The following VWA5B1 variants were observed in gnomAD, a reference collection of about 807,000 sequenced individuals.
The protein encoded by VWA5B1 is von Willebrand factor A domain containing 5B1.
A neutral mutation model predicts 118.2 loss-of-function variants in VWA5B1; 115 were observed. The observed-to-expected ratio is 0.97, with a 90% CI of 0.84 to 1.14. The LOEUF is 1.14. VWA5B1 is among the 50% of genes most tolerant of loss of function. The probability of loss-of-function intolerance (pLI) is 0.00; values close to 1 mark genes in which losing one functional copy is unlikely to be tolerated. For synonymous variants in VWA5B1, 682 were observed against 658.4 expected (o/e 1.04, Z -0.55); for missense variants, 1,596 against 1,603.8 (o/e 1.00, Z 0.08).
chr1:20,327,739 G>A (rs914901784), intron 8 of VWA5B1, 151 bp from the exon 9 acceptor site: 2 of 679,736 alleles, frequency 2.9e-6, no homozygotes, highest in Non-Finnish European at 5.1e-6. Flanking sequence ...ATTTCTTGAT[G>A]TGAGGGAAAA....
In VWA5B1 at chr1:20,335,181, G is replaced by A. The variant is rs896395338; in HGVS notation, c.1759-1122G>A. 3.9e-5 allele frequency among the ~76,000 whole-genome samples: 6 copies of A among 152,210 alleles called. No homozygotes were observed. In the East Asian group the frequency reaches 9.7e-4, roughly 25 times the overall value. ...AATTAAAAAATTAGCCAGACGTGGTGGCATATGCTTGTAGTCCCAACTACT... is the reference window on the plus strand; with the variant it reads ...AATTAAAAAATTAGCCAGACGTGGTAGCATATGCTTGTAGTCCCAACTACT... On this transcript the variant is annotated intron_variant, in intron 12 of 21. Transcript: ENST00000289815.
chr1:20,291,371 C>T (rs1346406836), intron 1 of VWA5B1, among the ~76,000 whole-genome samples: 8 of 139,744 alleles, frequency 5.7e-5, no homozygotes, highest in South Asian at 2.4e-4. Context: ...CTCTCTCTCT[C>T]TCTCTCTCTC....
intron 7 of VWA5B1, among the ~76,000 whole-genome samples, chr1:20,322,681 A>C (rs1438128699): frequency 6.6e-6 from 1 of 152,222 alleles, no homozygotes; most frequent in Non-Finnish European, 1.5e-5. Context: ...CAGCACCAGC[A>C]ATGGCAATGA....
chr1:20,330,415 C>A lies in VWA5B1; in HGVS notation c.1457+33C>A, dbSNP rs772719116. ...TTGGCTGAGGGTCTAGGCTCGGTGA[C>A]TCCAGGCTGCCGGGGCTGGGGCGCC... On this transcript the variant is annotated intron_variant, in intron 10 of 21. Transcript: ENST00000289815. 2.8e-5 allele frequency: 43 copies of A among 1,548,408 alleles called. No individual in the cohort carries two copies. The African/African-American group carries it at 5.2e-4, about 19-fold the overall frequency.
chr1:20,351,060 C>G, intron 20 of VWA5B1, 134 bp downstream of exon 20: 1 of 800,748 alleles, frequency 1.2e-6, no homozygotes, highest in Non-Finnish European at 2.0e-6. Context: ...AAAGAAGGCA[C>G]TCCTGCCCAG....
chr1:20,356,850 A>G lies in VWA5B1; in HGVS notation c.*2587A>G, dbSNP rs1201882529. Among the ~76,000 whole-genome samples, 1 of 152,230 alleles carries G rather than the reference A, an allele frequency of 6.6e-6. No individual in the cohort carries two copies. Among genetic ancestry groups the G allele is most frequent in the Non-Finnish European group, 1.5e-5 (1 of 68,042 alleles). On this transcript the variant is annotated 3_prime_UTR_variant, in exon 22 of 22. Coordinates refer to ENST00000289815, the MANE Select transcript of VWA5B1 (RefSeq NM_001039500.3). ...GACATTTTTAAAGAACTTCAGTGGT[A>G]TTGAGATGACATGCAGCCTCAAAAA...
intron 18 of VWA5B1, among the ~76,000 whole-genome samples, chr1:20,348,876 C>T (rs1380550125): frequency 6.6e-6 from 1 of 152,214 alleles, no homozygotes; most frequent in East Asian, 1.9e-4. Context: ...TGACCTTGCA[C>T]TAGTTCCCAG....
intron 14 of VWA5B1, chr1:20,338,055 C>T (rs1279019747): frequency 1.2e-5 from 8 of 694,078 alleles, no homozygotes; most frequent in East Asian, 8.4e-5. Flanking sequence ...TCCCTGCACA[C>T]ACACTGCCCA....
rs2090231868 is a variant in VWA5B1 at position 20,356,486 on chromosome 1, C to CT, written c.*2223_*2224insT. Among the ~76,000 whole-genome samples, 1 of 152,208 alleles carries CT rather than the reference C, an allele frequency of 6.6e-6. No individual in the cohort carries two copies. The highest frequency in any genetic ancestry group is 1.5e-5 in the Non-Finnish European group (1 of 68,040). Reference sequence around the variant, plus strand: ...TGGGCTGTCCAGCACCTCCCTGCCCCACCAGATGAGTCTGATTCTGGGTCT... The same window carrying CT: ...TGGGCTGTCCAGCACCTCCCTGCCCCTACCAGATGAGTCTGATTCTGGGTCT... On this transcript the variant is annotated 3_prime_UTR_variant, in exon 22 of 22. Transcript: ENST00000289815.
chr1:20,304,996 A>G (rs935258294), intron 1 of VWA5B1, among the ~76,000 whole-genome samples: 26 of 152,180 alleles, frequency 1.7e-4, no homozygotes, highest in African/African-American at 6.0e-4. Flanking sequence ...AGCATCTGCT[A>G]TGTGCCTGGC....
At chr1:20,332,314 T>TA (rs2100936849) in intron 11 of VWA5B1, among the ~76,000 whole-genome samples, 1 of 151,968 alleles carries the variant, frequency 6.6e-6, no homozygotes, top group East Asian at 1.9e-4. Context: ...ACCCCGTCTC[T>TA]ACTAAATATA....
intron 14 of VWA5B1, among the ~76,000 whole-genome samples, chr1:20,339,868 A>G (rs2100975962): frequency 6.6e-6 from 1 of 152,292 alleles, no homozygotes; most frequent in East Asian, 1.9e-4. Context: ...TGCCTCATCT[A>G]CAAAATGGGG....
Position 20,356,633 on chromosome 1 carries a change from C to T in VWA5B1, c.*2370C>T, listed in dbSNP as rs974783633. ...AAATCCAGCAAGGTGGTGGGCATGC[C>T]ACCCACTTCTCTAGGAAAGTTCCTC... On this transcript the variant is annotated 3_prime_UTR_variant, in exon 22 of 22. Transcript: ENST00000289815. 3.3e-5 allele frequency among the ~76,000 whole-genome samples: 5 copies of T among 152,160 alleles called. No individual in the cohort carries two copies. The highest frequency in any genetic ancestry group is 4.8e-5 in the African/African-American group (2 of 41,428).
intron 1 of VWA5B1, among the ~76,000 whole-genome samples, chr1:20,300,187 G>C (rs1051871945): frequency 6.6e-6 from 1 of 152,188 alleles, no homozygotes; most frequent in Non-Finnish European, 1.5e-5. Flanking sequence ...TCTTTCTGGG[G>C]ATTCAGTGTG....
At position 20,337,836 on chromosome 1, in the gene VWA5B1, G is replaced by C. The variant is rs1337687581; in HGVS notation, c.2133G>C (p.Gln711His). 1 of 1,551,584 alleles carries C rather than the reference G, an allele frequency of 6.4e-7. No individual in the cohort carries two copies. The highest frequency in any genetic ancestry group is 8.7e-7 in the Non-Finnish European group (1 of 1,146,974). Reference protein sequence around the residue: ...LDVQRWQIDLQPLLNSGQDLN... With the variant: ...LDVQRWQIDLHPLLNSGQDLN... ...TCCAGCGGTGGCAGATTGATTTGCA[G>C]GTACCCAAGCAGGACAGATTAGGGA... Residue 711 changes from glutamine to histidine, a missense_variant and splice_region_variant, in exon 14 of 22, where the codon CAG (glutamine) becomes CAC (histidine). Physicochemically the swap from Gln to His is conservative, Grantham distance 24 (BLOSUM62 0). Transcript: ENST00000289815.
chr1:20,291,364 TC>T (rs1358390722), intron 1 of VWA5B1, among the ~76,000 whole-genome samples: 17 of 142,346 alleles, frequency 1.2e-4, no homozygotes, highest in African/African-American at 4.3e-4. Context: ...TTTCTTTCTC[TC>T]TCTCTCTCTC....
chr1:20,350,752 G>A (rs1219068968), intron 19 of VWA5B1, 105 bp from the exon 20 acceptor site: 6 of 1,090,998 alleles, frequency 5.5e-6, no homozygotes, highest in Non-Finnish European at 8.2e-6. Flanking sequence ...TAGGAACTTA[G>A]CTAAGCACCT....
intron 18 of VWA5B1, among the ~76,000 whole-genome samples, chr1:20,349,521 C>T (rs1324626792): frequency 6.6e-6 from 1 of 151,968 alleles, no homozygotes; most frequent in Non-Finnish European, 1.5e-5. Flanking sequence ...GTAGCTGAGA[C>T]TACAGGCACC....
Position 20,312,816 on chromosome 1 carries a change from G to T in VWA5B1, c.140-20G>T. On this transcript the variant is annotated intron_variant, in intron 2 of 21. Coordinates refer to ENST00000289815, the MANE Select transcript of VWA5B1 (RefSeq NM_001039500.3). ...GGGTAGGCCTGGGGCACCCCGTGATGCTGGGCCCTGCTCCGACAGGCCTCT... is the reference window on the plus strand; with the variant it reads ...GGGTAGGCCTGGGGCACCCCGTGATTCTGGGCCCTGCTCCGACAGGCCTCT... 1 of 1,540,460 alleles carries T rather than the reference G, an allele frequency of 6.5e-7. No individual in the cohort carries two copies. The highest frequency in any genetic ancestry group is 8.8e-7 in the Non-Finnish European group (1 of 1,139,480).
Sources: allele counts gnomAD v4.1 joint callset (sites outside exome capture counted in the v4.1 genomes callset), GRCh38; gene constraint gnomAD v4.1.1; transcripts MANE v1.5; gene names NCBI Gene and HGNC (gene_info 2026-07-23, HGNC 2026-07-21).